ARAP2: variants seen among roughly 807,000 people sequenced by gnomAD.
The protein encoded by ARAP2 is arf-GAP with Rho-GAP domain, ANK repeat and PH domain-containing protein 2.
Under a neutral mutation model 194.5 loss-of-function variants are expected in ARAP2, and 148 were observed. The observed-to-expected ratio is 0.76, with a 90% CI of 0.67 to 0.87. The LOEUF (loss-of-function observed/expected upper bound fraction) is 0.87, where lower values mean the gene tolerates loss of function less well. Ranked by LOEUF, ARAP2 falls within the 40% of genes least tolerant of loss-of-function variation. The pLI is 0.00. For synonymous variants in ARAP2, 695 were observed against 683.5 expected, an observed-to-expected ratio of 1.02 and a Z score of -0.26; for missense variants, 2,128 against 1,989.7, an observed-to-expected ratio of 1.07 and a Z score of -1.32.
At chr4:36,127,529 A>G (rs1724250559) in intron 21 of ARAP2, among the ~76,000 whole-genome samples, 1 of 152,002 alleles carries the variant, frequency 6.6e-6, no homozygotes, top group Non-Finnish European at 1.5e-5. Flanking sequence ...CTTTAAATAT[A>G]TCACTTGTTT....
At chr4:36,189,726 CAGAGT>C (rs1176973021) in intron 7 of ARAP2, among the ~76,000 whole-genome samples, 1 of 152,194 alleles carries the variant, frequency 6.6e-6, no homozygotes, top group Non-Finnish European at 1.5e-5. Flanking sequence ...CAACTTTATG[CAGAGT>C]AATCTAAAAT....
intron 22 of ARAP2, among the ~76,000 whole-genome samples, chr4:36,122,625 G>C (rs1055606416): frequency 2.0e-5 from 3 of 151,710 alleles, no homozygotes; most frequent in African/African-American, 7.3e-5. Context: ...TGGGAAGAGG[G>C]AGAGGATCAG....
At position 36,216,678 on chromosome 4, in the gene ARAP2, A is replaced by G. The variant is rs1462907861; in HGVS notation, c.906-2198T>C. Among the ~76,000 whole-genome samples the G allele has an allele frequency of 2.0e-5, 3 of 152,204 alleles. No homozygotes were observed. The East Asian group carries it at 5.8e-4, about 29-fold the overall frequency. ...AACCCAAATAGACATCAGGAAGTAA[A>G]TGATAAACAAATAGTGGTGTATGGA... On this transcript the variant is annotated intron_variant, in intron 2 of 32. Transcript: ENST00000303965.
At chr4:36,133,597 C>T (rs1465888440) in intron 19 of ARAP2, among the ~76,000 whole-genome samples, 1 of 151,714 alleles carries the variant, frequency 6.6e-6, no homozygotes, top group Non-Finnish European at 1.5e-5. Context: ...TTTATGGTCT[C>T]ACTTCTTTTC....
chr4:36,057,486 T>TTA (rs1220029790), intron 2 of ARAP2, among the ~76,000 whole-genome samples: 1 of 152,058 alleles, frequency 6.6e-6, no homozygotes, highest in African/African-American at 2.4e-5. Context: ...AGATAACACA[T>TTA]TATATATATG....
At chr4:36,099,902 A>G (rs1303963933) in intron 27 of ARAP2, among the ~76,000 whole-genome samples, 3 of 152,098 alleles carry the variant, frequency 2.0e-5, no homozygotes, top group African/African-American at 4.8e-5. Context: ...GGGAGGACAT[A>G]ATTTTTCTGT....
chr4:36,128,315 A>G (rs1404456569), intron 21 of ARAP2, among the ~76,000 whole-genome samples: 1 of 151,982 alleles, frequency 6.6e-6, no homozygotes, highest in East Asian at 1.9e-4. Context: ...TTTAGTGAAT[A>G]TTTTGAATTT....
intron 2 of ARAP2, among the ~76,000 whole-genome samples, chr4:36,218,768 GA>G (rs1446496242): frequency 6.6e-6 from 1 of 151,992 alleles, no homozygotes; most frequent in Non-Finnish European, 1.5e-5. Flanking sequence ...CACAATTAAG[GA>G]AAATAAAAAC....
rs142674019 is a variant in ARAP2 at position 36,147,335 on chromosome 4, C to T, written c.3224G>A (p.Gly1075Glu). The T allele has an allele frequency of 5.6e-6, 9 of 1,612,764 alleles. No individual in the cohort carries two copies. The highest frequency in any genetic ancestry group is 7.6e-6 in the Non-Finnish European group (9 of 1,179,248). ...ELTISTMVQN[G>E]EKLDVLLLVE... is the part of the protein sequence containing the mutation. ...CAAGAGTAAAACATCCAGTTTTTCC[C>T]CATTTTGAACCATTGTGCTGATTGC... The change falls in exon 19 of 33, where the codon GGG (glycine) becomes GAG (glutamate). Residue 1075 changes from glycine (G) to glutamate (E), a missense_variant. Transcript: ENST00000303965.
intron 15 of ARAP2, among the ~76,000 whole-genome samples, chr4:36,156,387 GAGAGAA>G (rs1417147387): frequency 1.5e-4 from 1 of 6,452 alleles, no homozygotes; most frequent in Non-Finnish European, 2.7e-4. Context: ...GAAAGAGAGA[GAGAGAA>G]AGAAAGAAAG....
chr4:36,205,880 A>C (rs1745435291), intron 6 of ARAP2, among the ~76,000 whole-genome samples: 1 of 151,824 alleles, frequency 6.6e-6, no homozygotes, highest in African/African-American at 2.4e-5. Flanking sequence ...AAAAATATTA[A>C]AGCTTTTTAT....
intron 27 of ARAP2, among the ~76,000 whole-genome samples, chr4:36,093,494 C>T (rs1482182904): frequency 6.6e-6 from 1 of 152,040 alleles, no homozygotes; most frequent in Non-Finnish European, 1.5e-5. Flanking sequence ...ACATTATATA[C>T]ACTCTCTAAT....
intron 2 of ARAP2, among the ~76,000 whole-genome samples, chr4:36,216,907 A>G (rs1419307422): frequency 6.6e-6 from 1 of 152,236 alleles, no homozygotes; most frequent in Non-Finnish European, 1.5e-5. Flanking sequence ...GAGTGTACTT[A>G]CATAAACCTA....
At position 36,067,483 on chromosome 4, in the gene ARAP2, A is replaced by ACATAT. The variant is rs1725748547; in HGVS notation, c.*419_*423dup. On this transcript the variant is annotated 3_prime_UTR_variant, in exon 33 of 33. Transcript: ENST00000303965. ...AGGTAGAACTTCTGTAAACCTAAAA[A>ACATAT]CATATGGTAATTTAATATACAAGGT... The ACATAT allele has an allele frequency of 6.5e-6, 1 of 153,108 alleles. No homozygotes were observed. The highest frequency in any genetic ancestry group is 6.5e-5 in the Admixed American group (1 of 15,296). The allele number at this position is 153,108 out of a possible 1,614,324, so 9.5% of individuals were successfully genotyped here.
chr4:36,215,236 T>C (rs6838564), intron 2 of ARAP2, among the ~76,000 whole-genome samples: 139,275 of 152,260 alleles, frequency 0.91, 63,752 homozygotes, highest in East Asian at 1. Flanking sequence ...GCTGAAAGTA[T>C]AGACATATAA....
intron 6 of ARAP2, among the ~76,000 whole-genome samples, chr4:36,193,879 G>A (rs574894216): frequency 1.8e-4 from 27 of 152,260 alleles, no homozygotes; most frequent in African/African-American, 3.6e-4. Flanking sequence ...AATTAACAGC[G>A]TTGTTGCACA....
At chr4:36,104,235 C>T (rs1717786551) in intron 27 of ARAP2, among the ~76,000 whole-genome samples, 1 of 151,578 alleles carries the variant, frequency 6.6e-6, no homozygotes. Context: ...TCTACTTGGC[C>T]CCAGGTTAGA....
chr4:36,137,810 A>G (rs533179577), intron 19 of ARAP2, among the ~76,000 whole-genome samples: 17 of 151,896 alleles, frequency 1.1e-4, no homozygotes, highest in Admixed American at 2.0e-4. Flanking sequence ...CTGGTCCTCG[A>G]GTCCAAAAAT....
intron 1 of ARAP2, chr4:36,243,872 T>G (rs1025973302): frequency 1.1e-4 from 16 of 152,272 alleles, no homozygotes; most frequent in African/African-American, 3.6e-4. Flanking sequence ...TGAAACTCAC[T>G]ACAGCTTCTT....
Sources: gnomAD v4.1 joint callset for allele counts (sites outside exome capture counted in the v4.1 genomes callset) on GRCh38, gnomAD v4.1.1 for gene constraint, MANE v1.5 for transcripts, NCBI Gene and HGNC (gene_info 2026-07-23, HGNC 2026-07-21) for gene names.